The following DAAM2 variants were observed in gnomAD, a reference collection of about 807,000 sequenced individuals.
DAAM2 encodes the protein disheveled-associated activator of morphogenesis 2.
A neutral mutation model predicts 120.7 loss-of-function variants in DAAM2; 39 were observed. The observed-to-expected ratio is 0.32, with a 90% CI of 0.25 to 0.42. The LOEUF is 0.42. Ranked by LOEUF, DAAM2 falls within the 10% of genes least tolerant of loss-of-function variation. The probability of loss-of-function intolerance (pLI) is 1.00; values close to 1 mark genes in which losing one functional copy is unlikely to be tolerated. For missense variants in DAAM2, 1,283 were observed against 1,401.7 expected (o/e 0.92, Z 1.35); for synonymous variants, 488 against 524.9 (o/e 0.93, Z 0.96).
At chr6:39,825,384 T>TAAAACAAAACAAAAC (rs56245657) in intron 1 of DAAM2, among the ~76,000 whole-genome samples, 5 of 101,482 alleles carry the variant, frequency 4.9e-5, no homozygotes, top group African/African-American at 1.9e-4. Context: ...CAAGACTGTT[T>TAAAACAAAACAAAAC]AAAACAAAAC....
intron 1 of DAAM2, among the ~76,000 whole-genome samples, chr6:39,798,431 G>A (rs1012181671): frequency 3.3e-5 from 5 of 152,170 alleles, no homozygotes; most frequent in African/African-American, 1.2e-4. Flanking sequence ...CTAGACAAAA[G>A]TCAAAATCTA....
At chr6:39,867,290 A>C (rs934364808) in intron 5 of DAAM2, 1 of 568,186 alleles carries the variant, frequency 1.8e-6, no homozygotes, top group African/African-American at 1.9e-5. Flanking sequence ...TATGCAACTG[A>C]CAATGATATG....
chr6:39,851,264 G>A (rs1465431456), intron 1 of DAAM2, among the ~76,000 whole-genome samples: 1 of 152,168 alleles, frequency 6.6e-6, no homozygotes, highest in Non-Finnish European at 1.5e-5. Flanking sequence ...TACTGCTTTA[G>A]AGTCAGACAG....
intron 1 of DAAM2, among the ~76,000 whole-genome samples, chr6:39,806,831 T>A (rs567911774): frequency 5.2e-5 from 6 of 115,514 alleles, no homozygotes; most frequent in African/African-American, 1.9e-4. Flanking sequence ...TTTATACTCA[T>A]CAGATTGGCA....
At chr6:39,830,411 G>A (rs2114189751) in intron 1 of DAAM2, among the ~76,000 whole-genome samples, 1 of 152,258 alleles carries the variant, frequency 6.6e-6, no homozygotes, top group South Asian at 2.1e-4. Context: ...TCCCTCCCAG[G>A]GAGGGAGGCA....
chr6:39,798,138 T>C (rs1264673572), intron 1 of DAAM2, among the ~76,000 whole-genome samples: 3 of 152,178 alleles, frequency 2.0e-5, no homozygotes, highest in Non-Finnish European at 4.4e-5. Flanking sequence ...ACAGAGCAAG[T>C]ATAGTAGCTT....
At chr6:39,869,768 TTTTTTTTTTTTTA>T (rs1461845821) in intron 7 of DAAM2, among the ~76,000 whole-genome samples, 1 of 150,052 alleles carries the variant, frequency 6.7e-6, no homozygotes, top group Non-Finnish European at 1.5e-5. Flanking sequence ...TTTTTTTTTT[TTTTTTTTTTTTTA>T]AAAACAATTT....
intron 1 of DAAM2, among the ~76,000 whole-genome samples, chr6:39,836,746 T>C (rs1763116197): frequency 6.6e-6 from 1 of 152,160 alleles, no homozygotes; most frequent in East Asian, 1.9e-4. Flanking sequence ...GCTGCAAATC[T>C]CCACGTCCAC....
chr6:39,891,779 T>C, intron 19 of DAAM2, 57 bp downstream of exon 19: 1 of 1,421,148 alleles, frequency 7.0e-7, no homozygotes, highest in Non-Finnish European at 9.7e-7. Context: ...AAAGGCAGGG[T>C]GGGTGGGAGC....
At chr6:39,798,640 C>T (rs1761770012) in intron 1 of DAAM2, among the ~76,000 whole-genome samples, 1 of 152,120 alleles carries the variant, frequency 6.6e-6, no homozygotes, top group Admixed American at 6.5e-5. Flanking sequence ...CCCATCAGTC[C>T]TCAAGGGTTA....
chr6:39,891,790 C>A, intron 19 of DAAM2, 68 bp downstream of exon 19: 3 of 1,276,768 alleles, frequency 2.3e-6, no homozygotes, highest in Non-Finnish European at 3.3e-6. Context: ...GGGTGGGAGC[C>A]AGTGAATAGG....
At position 39,887,599 on chromosome 6, in the gene DAAM2, G is replaced by A. The variant is rs766669331; in HGVS notation, c.2060+7G>A. 1.4e-5 allele frequency: 22 copies of A among 1,598,162 alleles called. No individual in the cohort carries two copies. In the South Asian group the frequency reaches 2.2e-4, roughly 16 times the overall value. ...GCATCATCCTTCTTTCCAAGTATGT[G>A]CAAAAGAAGGTGGTTGAGTTGGATG... is the stretch of plus-strand genomic sequence containing the variant. On this transcript the variant is annotated splice_region_variant and intron_variant, in intron 16 of 24. Coordinates refer to ENST00000274867, the MANE Select transcript of DAAM2 (RefSeq NM_001201427.2).
intron 1 of DAAM2, among the ~76,000 whole-genome samples, chr6:39,804,618 C>T (rs1318764107): frequency 6.6e-6 from 1 of 151,738 alleles, no homozygotes; most frequent in African/African-American, 2.4e-5. Context: ...TAATTAGTAA[C>T]AAAAGATGTG....
At chr6:39,808,398 GAA>G (rs1762070058) in intron 1 of DAAM2, among the ~76,000 whole-genome samples, 1 of 152,140 alleles carries the variant, frequency 6.6e-6, no homozygotes, top group African/African-American at 2.4e-5. Flanking sequence ...GCTACAGGGT[GAA>G]AGAATTTTCC....
intron 1 of DAAM2, among the ~76,000 whole-genome samples, chr6:39,832,923 G>A (rs1218074551): frequency 3.3e-5 from 5 of 152,144 alleles, no homozygotes; most frequent in East Asian, 1.9e-4. Context: ...CTGCCAGGAC[G>A]TCCACCCACT....
chr6:39,878,114 C>T lies in DAAM2; in HGVS notation c.1302-89C>T. The T allele has an allele frequency of 1.4e-6, 2 of 1,428,246 alleles. No homozygotes were observed. Among genetic ancestry groups the T allele is most frequent in the Non-Finnish European group, 1.9e-6 (2 of 1,029,746 alleles). The allele number at this position is 1,428,246 out of a possible 1,614,324, so 88.5% of individuals were successfully genotyped here. On this transcript the variant is annotated intron_variant, in intron 11 of 24. Coordinates refer to ENST00000274867, the MANE Select transcript of DAAM2 (RefSeq NM_001201427.2). This position sits in a 1 kb window ranked among gnomAD's most constrained non-coding sequence, Gnocchi z 5.0. Reference sequence around the variant, plus strand: ...TGGACAGATTGGAGACCAGGGTCCCCACCTGGAGGGTAGAAAGATGATGTC... The same window carrying T: ...TGGACAGATTGGAGACCAGGGTCCCTACCTGGAGGGTAGAAAGATGATGTC...
rs557558016 is a variant in DAAM2, at chr6:39,816,636, A to G, written c.-57+24171A>G. Reference sequence around the variant, plus strand: ...GTTCAAGTCCATTATATCTTATTCTACCCCACACTTTACCTCTGTATTTAA... The same window carrying G: ...GTTCAAGTCCATTATATCTTATTCTGCCCCACACTTTACCTCTGTATTTAA... On this transcript the variant is annotated intron_variant, in intron 1 of 24. Transcript: ENST00000274867. Among the ~76,000 whole-genome samples the G allele has an allele frequency of 2.0e-5, 3 of 152,114 alleles. No homozygotes were observed. In the South Asian group the frequency reaches 6.2e-4, roughly 32 times the overall value.
intron 1 of DAAM2, among the ~76,000 whole-genome samples, chr6:39,810,231 G>C (rs1431261897): frequency 6.6e-6 from 1 of 152,148 alleles, no homozygotes; most frequent in Non-Finnish European, 1.5e-5. Context: ...GCAAACAAAA[G>C]CAGGGACCCA....
intron 10 of DAAM2, among the ~76,000 whole-genome samples, chr6:39,873,672 T>A (rs115705520): frequency 2.1e-3 from 317 of 152,358 alleles, no homozygotes; most frequent in African/African-American, 7.2e-3. Flanking sequence ...GAGAGATCAG[T>A]CATGCTGGGG....
Sources: allele counts gnomAD v4.1 joint callset (sites outside exome capture counted in the v4.1 genomes callset), GRCh38; gene constraint gnomAD v4.1.1; non-coding constraint Gnocchi (gnomAD v3.1); transcripts MANE v1.5; gene names NCBI Gene and HGNC (gene_info 2026-07-23, HGNC 2026-07-21).